Variants in ATF6 observed in about 807,000 individuals in gnomAD.
ATF6 encodes the protein activating transcription factor 6.
ATF6 carries 53 observed loss-of-function variants against 83.6 expected under a neutral mutation model. The observed-to-expected ratio is 0.63, with a 90% CI of 0.51 to 0.80. ATF6 has a LOEUF of 0.80. ATF6 is among the 30% of genes least tolerant of loss of function. ATF6 has a pLI of 0.00. For missense variants in ATF6, 744 were observed against 797.9 expected (o/e 0.93, Z 0.81); for synonymous variants, 288 against 285.8 (o/e 1.01, Z -0.08).
chr1:161,784,145 G>A (rs564332267), intron 4 of ATF6, 49 bp downstream of exon 4: 56 of 1,293,070 alleles, frequency 4.3e-5, no homozygotes, highest in South Asian at 3.6e-4. Flanking sequence ...ATGCTATCTG[G>A]AAAATATGTA....
intron 15 of ATF6, among the ~76,000 whole-genome samples, chr1:161,941,714 C>T (rs1313199785): frequency 6.6e-6 from 1 of 152,100 alleles, no homozygotes; most frequent in Non-Finnish European, 1.5e-5. Flanking sequence ...GTGAGAAGTA[C>T]TATGTTATAA....
intron 1 of ATF6, among the ~76,000 whole-genome samples, chr1:161,771,216 C>G (rs1684381931): frequency 6.6e-6 from 1 of 151,952 alleles, no homozygotes; most frequent in Non-Finnish European, 1.5e-5. Flanking sequence ...CCCTCCTCCT[C>G]CTCCTTTCTC....
intron 7 of ATF6, among the ~76,000 whole-genome samples, chr1:161,817,641 A>T (rs570703634): frequency 2.0e-5 from 3 of 152,126 alleles, no homozygotes; most frequent in East Asian, 1.9e-4. Context: ...TAGTTTAAAT[A>T]AAAAAACACC....
intron 14 of ATF6, chr1:161,892,295 A>G (rs1451074091): frequency 1.3e-5 from 2 of 152,144 alleles, no homozygotes; most frequent in African/African-American, 2.4e-5. Flanking sequence ...ATATTTTTCA[A>G]CTCTGATGGG....
intron 15 of ATF6, among the ~76,000 whole-genome samples, chr1:161,914,786 C>T (rs184833368): frequency 1.3e-5 from 2 of 152,276 alleles, no homozygotes; most frequent in African/African-American, 4.8e-5. Context: ...TTCCATGGTC[C>T]TGTCACCACT....
At chr1:161,822,805 T>A (rs1024865814) in intron 9 of ATF6, among the ~76,000 whole-genome samples, 1 of 152,188 alleles carries the variant, frequency 6.6e-6, no homozygotes, top group Non-Finnish European at 1.5e-5. Context: ...GGTGATTGTG[T>A]TAACATCTAA....
chr1:161,955,460 A>G (rs977259318), intron 15 of ATF6, among the ~76,000 whole-genome samples: 1 of 152,196 alleles, frequency 6.6e-6, no homozygotes, highest in East Asian at 1.9e-4. Flanking sequence ...TGCATACTAT[A>G]TAAACAGATG....
intron 7 of ATF6, among the ~76,000 whole-genome samples, chr1:161,815,958 A>C (rs1210365818): frequency 6.6e-6 from 1 of 152,240 alleles, no homozygotes; most frequent in Non-Finnish European, 1.5e-5. Flanking sequence ...AAATTAAATT[A>C]AACTAAAAAC....
At chr1:161,900,083 C>G (rs1401350320) in intron 14 of ATF6, among the ~76,000 whole-genome samples, 1 of 152,074 alleles carries the variant, frequency 6.6e-6, no homozygotes, top group Non-Finnish European at 1.5e-5. Flanking sequence ...ATCACTACGA[C>G]CACCATCACT....
chr1:161,841,339 G>T (rs1324078907), intron 9 of ATF6, among the ~76,000 whole-genome samples: 1 of 152,066 alleles, frequency 6.6e-6, no homozygotes, highest in Non-Finnish European at 1.5e-5. Context: ...AGTTTCTGTG[G>T]GTCATTTCAT....
chr1:161,803,486 A>G (rs1030227304), intron 7 of ATF6, among the ~76,000 whole-genome samples: 1 of 152,182 alleles, frequency 6.6e-6, no homozygotes, highest in Non-Finnish European at 1.5e-5. Context: ...GAGGACTAGA[A>G]GAGGTAAGCA....
chr1:161,841,310 TATTCA>T (rs1686352741), intron 9 of ATF6, among the ~76,000 whole-genome samples: 2 of 152,214 alleles, frequency 1.3e-5, no homozygotes, highest in African/African-American at 4.8e-5. Context: ...AACCTGTAGT[TATTCA>T]GATGGTTAAA....
intron 9 of ATF6, among the ~76,000 whole-genome samples, chr1:161,834,591 C>T (rs952886426): frequency 3.1e-5 from 4 of 130,756 alleles, no homozygotes; most frequent in Non-Finnish European, 6.1e-5. Flanking sequence ...CACATGGACA[C>T]AGAAAGGGGA....
At chr1:161,929,048 C>T (rs771724679) in intron 15 of ATF6, among the ~76,000 whole-genome samples, 34 of 152,176 alleles carry the variant, frequency 2.2e-4, no homozygotes, top group Admixed American at 2.1e-3. Context: ...TTATTAAGAA[C>T]CTGATGGGTG....
At chr1:161,808,822 T>C (rs1381458137) in intron 7 of ATF6, among the ~76,000 whole-genome samples, 1 of 151,922 alleles carries the variant, frequency 6.6e-6, no homozygotes, top group African/African-American at 2.4e-5. Context: ...CCTCCTGCAG[T>C]GGCCTCCCAA....
intron 15 of ATF6, among the ~76,000 whole-genome samples, chr1:161,917,020 C>CGA: frequency 6.6e-6 from 1 of 152,320 alleles, no homozygotes; most frequent in Admixed American, 6.5e-5. Context: ...TATCCAGCTT[C>CGA]TCCTCTTCTG....
intron 15 of ATF6, among the ~76,000 whole-genome samples, chr1:161,944,357 G>A (rs968910782): frequency 2.0e-5 from 3 of 152,146 alleles, no homozygotes; most frequent in African/African-American, 7.2e-5. Flanking sequence ...AGGTGTTTCT[G>A]GGCCTGAGAT....
chr1:161,901,901 C>T (rs1571225164), intron 14 of ATF6, among the ~76,000 whole-genome samples: 1 of 152,058 alleles, frequency 6.6e-6, no homozygotes, highest in African/African-American at 2.4e-5. Context: ...ATTCACTGCT[C>T]ATTTGGAAGA....
At position 161,863,284 on chromosome 1, in the gene ATF6, A is replaced by G. The variant is rs1686924012; in HGVS notation, c.1691A>G (p.Asp564Gly). 3.1e-6 allele frequency: 5 copies of G among 1,612,100 alleles called. No individual in the cohort carries two copies. The highest frequency in any genetic ancestry group is 4.2e-6 in the Non-Finnish European group (5 of 1,178,242). ...DFFEAIRRRG[D>G]TFYVVSFRRD... ...TTTGAAGCCATCCGCAGAAGGGGAG[A>G]CACATTTTATGTTGTGTCATTTCGA... The change falls in exon 14 of 16, where the codon GAC becomes GGC. Residue 564 changes from aspartate to glycine, a missense_variant. Coordinates refer to ENST00000367942, the MANE Select transcript of ATF6 (RefSeq NM_007348.4).
Sources: gnomAD v4.1 joint callset for allele counts (sites outside exome capture counted in the v4.1 genomes callset) on GRCh38, gnomAD v4.1.1 for gene constraint, MANE v1.5 for transcripts, NCBI Gene and HGNC (gene_info 2026-07-23, HGNC 2026-07-21) for gene names.